The following SCN3A variants were observed in gnomAD, a reference collection of about 807,000 sequenced individuals.
SCN3A encodes the protein sodium voltage-gated channel alpha subunit 3, also known as sodium channel protein type 3 subunit alpha.
A neutral mutation model predicts 187.6 loss-of-function variants in SCN3A; 60 were observed. The ratio of observed to expected loss-of-function variants is 0.32; its 90% CI spans 0.26 to 0.40. SCN3A has a LOEUF of 0.40. Ranked by LOEUF, SCN3A falls within the 10% of genes least tolerant of loss-of-function variation. The probability of loss-of-function intolerance (pLI) is 1.00; values close to 1 mark genes in which losing one functional copy is unlikely to be tolerated. For missense variants in SCN3A, 1,601 were observed against 2,428.2 expected, an observed-to-expected ratio of 0.66 and a Z score of 7.16; for synonymous variants, 788 against 829.2, an observed-to-expected ratio of 0.95 and a Z score of 0.85.
At chr2:165,199,689 T>A (rs187620117) in intron 1 of SCN3A, among the ~76,000 whole-genome samples, 218 of 152,140 alleles carry the variant, frequency 1.4e-3, no homozygotes, top group African/African-American at 5.1e-3. Context: ...ACAAATTATA[T>A]TTCTGATGTA....
chr2:165,162,261 T>G (rs773861365), intron 9 of SCN3A, 47 bp downstream of exon 9: 1 of 1,548,244 alleles, frequency 6.5e-7, no homozygotes, highest in Non-Finnish European at 8.8e-7. Flanking sequence ...CTACTTTTTT[T>G]TTTCGCAAAG....
chr2:165,181,794 G>A (rs943338840), intron 2 of SCN3A, among the ~76,000 whole-genome samples: 1 of 152,128 alleles, frequency 6.6e-6, no homozygotes, highest in Non-Finnish European at 1.5e-5. Flanking sequence ...AATCACACAA[G>A]TGCTTTTCCT....
chr2:165,106,784 A>C (rs1366219842), intron 21 of SCN3A, among the ~76,000 whole-genome samples: 1 of 152,160 alleles, frequency 6.6e-6, no homozygotes, highest in Admixed American at 6.5e-5. Context: ...ATTGCATCCC[A>C]CGGGGAGGCC....
At chr2:165,137,509 C>G (rs1314097210) in intron 15 of SCN3A, among the ~76,000 whole-genome samples, 1 of 152,008 alleles carries the variant, frequency 6.6e-6, no homozygotes, top group African/African-American at 2.4e-5. Context: ...TTTGGGTCAT[C>G]CCTTCAATGG....
chr2:165,164,559 TG>T (rs1284229583), intron 5 of SCN3A, 39 bp from the exon 6 acceptor site: 120 of 1,610,310 alleles, frequency 7.5e-5, no homozygotes, highest in Non-Finnish European at 1.0e-4. Context: ...CAATTTTGCT[TG>T]AACTGTTAAA....
chr2:165,102,311 G>A (rs1022735240), intron 21 of SCN3A, among the ~76,000 whole-genome samples: 1 of 152,188 alleles, frequency 6.6e-6, no homozygotes, highest in African/African-American at 2.4e-5. Flanking sequence ...ATGAGTTCAA[G>A]ACCAGCCTGC....
intron 22 of SCN3A, among the ~76,000 whole-genome samples, chr2:165,099,489 C>T (rs1269353711): frequency 3.3e-5 from 5 of 152,132 alleles, no homozygotes; most frequent in African/African-American, 7.2e-5. Context: ...GAGGCCGAGG[C>T]GGGCGGATCA....
At chr2:165,128,523 G>A (rs976406308) in intron 17 of SCN3A, among the ~76,000 whole-genome samples, 4 of 151,788 alleles carry the variant, frequency 2.6e-5, no homozygotes, top group Admixed American at 6.6e-5. Context: ...TTCTAGCTTC[G>A]TGTATATAAA....
At chr2:165,120,687 G>A (rs1276295613) in intron 18 of SCN3A, among the ~76,000 whole-genome samples, 1 of 151,764 alleles carries the variant, frequency 6.6e-6, no homozygotes, top group Non-Finnish European at 1.5e-5. Flanking sequence ...CTGATCTTTT[G>A]GATATGCATA....
chr2:165,112,528 G>T (rs1686170802), intron 21 of SCN3A, among the ~76,000 whole-genome samples: 1 of 152,098 alleles, frequency 6.6e-6, no homozygotes, highest in African/African-American at 2.4e-5. Flanking sequence ...GCTTCTTGGA[G>T]ATGTTTGTTT....
intron 16 of SCN3A, 104 bp from the exon 17 acceptor site, chr2:165,130,400 A>T: frequency 8.5e-7 from 1 of 1,177,974 alleles, no homozygotes; most frequent in Admixed American, 1.9e-5. Flanking sequence ...TAGATGTAAA[A>T]ACTCAAAATA....
intron 2 of SCN3A, among the ~76,000 whole-genome samples, 179 bp from the exon 3 acceptor site, chr2:165,176,623 C>A (rs1690485783): frequency 1.3e-5 from 2 of 152,068 alleles, no homozygotes; most frequent in Admixed American, 1.3e-4. Context: ...TCTCAATAAG[C>A]CAAGTTCATA....
intron 15 of SCN3A, among the ~76,000 whole-genome samples, chr2:165,134,391 ATCTT>A (rs1468150439): frequency 6.6e-6 from 1 of 152,170 alleles, no homozygotes; most frequent in Admixed American, 6.5e-5. Context: ...ATCAGCCTTT[ATCTT>A]GAAGGAATTC....
At chr2:165,115,641 T>C in intron 18 of SCN3A, 66 bp from the exon 19 acceptor site, 2 of 1,457,356 alleles carry the variant, frequency 1.4e-6, no homozygotes, top group Non-Finnish European at 1.9e-6. Flanking sequence ...TGGGAAATAC[T>C]GTGTCATTGT....
At chr2:165,191,325 A>G (rs1691597864) in intron 1 of SCN3A, among the ~76,000 whole-genome samples, 1 of 152,086 alleles carries the variant, frequency 6.6e-6, no homozygotes, top group African/African-American at 2.4e-5. Context: ...GAGTGATTTG[A>G]GAACATAGAA....
At chr2:165,163,754 A>G in intron 6 of SCN3A, 45 bp from the exon 7 acceptor site, 1 of 1,613,526 alleles carries the variant, frequency 6.2e-7, no homozygotes, top group Non-Finnish European at 8.5e-7. Flanking sequence ...CACACAAGAA[A>G]AGTTGGAGAT....
At chr2:165,163,553 A>G in intron 7 of SCN3A, 65 bp downstream of exon 7, 1 of 1,540,880 alleles carries the variant, frequency 6.5e-7, no homozygotes, top group Non-Finnish European at 8.9e-7. Context: ...TAATGCTGTA[A>G]GTCATATAAA....
rs1052344094 is a variant in SCN3A, at chr2:165,162,478, T to C, written c.967+78A>G. ...TTTCAGTTATTTACAAAGGTGGCTG[T>C]ACACCCACAGTCTCAACTATTTATA... On this transcript the variant is annotated intron_variant, in intron 8 of 27. Transcript: ENST00000283254. 6 of 1,600,948 alleles carry C rather than the reference T, an allele frequency of 3.7e-6. No individual in the cohort carries two copies. In the African/African-American group the frequency reaches 8.0e-5, roughly 21 times the overall value.
rs374415888 is a variant in SCN3A, at chr2:165,141,048, C to T, written c.1672-50G>A. The T allele has an allele frequency of 1.1e-3, 1,364 of 1,196,990 alleles. 6 individuals carry two copies. The highest frequency in any genetic ancestry group is 1.1e-3 in the Non-Finnish European group (934 of 830,102). The allele number at this position is 1,196,990 out of a possible 1,614,324, so 74.1% of individuals were successfully genotyped here. ...GAATGGGATGGGGGTAGGGGAAGAA[C>T]GCAATTATTTAATAAATATTAATAT... On this transcript the variant is annotated intron_variant, in intron 12 of 27. Coordinates refer to ENST00000283254, the MANE Select transcript of SCN3A (RefSeq NM_006922.4).
Sources: gnomAD v4.1 joint callset for allele counts (sites outside exome capture counted in the v4.1 genomes callset) on GRCh38, gnomAD v4.1.1 for gene constraint, MANE v1.5 for transcripts, NCBI Gene and HGNC (gene_info 2026-07-23, HGNC 2026-07-21) for gene names.